Variants in MEGF11 observed in about 807,000 individuals in gnomAD.
The protein encoded by MEGF11 is multiple EGF like domains 11, also known as multiple epidermal growth factor-like domains protein 11.
MEGF11 carries 126 observed loss-of-function variants against 146.6 expected under a neutral mutation model. That is an observed-to-expected ratio of 0.86 (90% CI 0.74 to 1.00). The LOEUF (loss-of-function observed/expected upper bound fraction) is 1.00. Among genes scored for constraint, MEGF11 ranks in the 50% least tolerant of loss-of-function variants. MEGF11 has a pLI of 0.00. For missense variants in MEGF11, 1,509 were observed against 1,521.2 expected (o/e 0.99, Z 0.13); for synonymous variants, 532 against 583.4 (o/e 0.91, Z 1.27).
At chr15:66,148,117 C>T (rs1055115543) in intron 1 of MEGF11, among the ~76,000 whole-genome samples, 5 of 152,032 alleles carry the variant, frequency 3.3e-5, no homozygotes, top group Admixed American at 2.6e-4. Context: ...TGTGTACACG[C>T]GTGCATGTGT....
chr15:65,938,016 A>G (rs756869796), intron 10 of MEGF11, among the ~76,000 whole-genome samples: 15 of 152,206 alleles, frequency 9.9e-5, no homozygotes, highest in South Asian at 2.1e-4. Flanking sequence ...GTCTTAACCC[A>G]AAGGTGTGAG....
intron 5 of MEGF11, among the ~76,000 whole-genome samples, chr15:66,019,271 A>G (rs951534048): frequency 6.6e-6 from 1 of 152,342 alleles, no homozygotes; most frequent in East Asian, 1.9e-4. Context: ...CAATCCTGAC[A>G]TGGCATCCTT....
intron 1 of MEGF11, among the ~76,000 whole-genome samples, chr15:66,235,374 C>A (rs971041223): frequency 1.3e-5 from 2 of 151,858 alleles, no homozygotes; most frequent in African/African-American, 4.8e-5. Flanking sequence ...TGGTGGCATG[C>A]ACCTTTATTC....
chr15:66,245,681 G>A lies in MEGF11; in HGVS notation c.-9+7924C>T, dbSNP rs149191177. Among the ~76,000 whole-genome samples, 36 of 152,196 alleles carry A rather than the reference G, an allele frequency of 2.4e-4. No homozygotes were observed. In the East Asian group the frequency reaches 5.6e-3, roughly 24 times the overall value. ...AGTGTGATATGAAGGGGAAAGAGAT[G>A]AGAGGCTGGAAAATGGCTCCCAGAG... On this transcript the variant is annotated intron_variant, in intron 1 of 25. Transcript: ENST00000395614.
In MEGF11 at chr15:66,080,883, C is replaced by T. The variant is rs532089285; in HGVS notation, c.394+13519G>A. ...AGATGCCGGCAGAAGGCGGCCCAGG[C>T]GGGTCTGCGAAGGGCCGCGGGCTTG... On this transcript the variant is annotated intron_variant, in intron 5 of 25. Transcript: ENST00000395614. Among the ~76,000 whole-genome samples, 12 of 152,310 alleles carry T rather than the reference C, an allele frequency of 7.9e-5. No individual in the cohort carries two copies. In the South Asian group the frequency reaches 1.7e-3, roughly 21 times the overall value.
intron 10 of MEGF11, among the ~76,000 whole-genome samples, chr15:65,931,333 GC>G (rs1051183341): frequency 3.0e-4 from 45 of 152,160 alleles, no homozygotes; most frequent in Admixed American, 6.5e-5. Flanking sequence ...CTCTTTTACA[GC>G]TACCAAGAAA....
At chr15:66,117,043 C>T (rs1567249211) in intron 4 of MEGF11, among the ~76,000 whole-genome samples, 1 of 152,162 alleles carries the variant, frequency 6.6e-6, no homozygotes, top group African/African-American at 2.4e-5. Context: ...CCCCATCTGT[C>T]AAATGAGAGA....
At chr15:66,146,320 C>T (rs1039004094) in intron 1 of MEGF11, among the ~76,000 whole-genome samples, 2 of 152,176 alleles carry the variant, frequency 1.3e-5, no homozygotes, top group African/African-American at 4.8e-5. Context: ...TCCCCTCTCC[C>T]GGCTGCAAGG....
intron 1 of MEGF11, among the ~76,000 whole-genome samples, chr15:66,219,865 T>A (rs1275409019): frequency 6.6e-6 from 1 of 152,212 alleles, no homozygotes; most frequent in African/African-American, 2.4e-5. Context: ...TGTCCTCCAA[T>A]GGGTGAATGG....
chr15:65,899,986 C>G (rs1048936088), intron 24 of MEGF11, among the ~76,000 whole-genome samples: 2 of 152,164 alleles, frequency 1.3e-5, no homozygotes, highest in African/African-American at 4.8e-5. Flanking sequence ...AGGGGATTCC[C>G]TCTTTCAGCC....
At chr15:66,152,365 C>T (rs900918051) in intron 1 of MEGF11, among the ~76,000 whole-genome samples, 7 of 152,080 alleles carry the variant, frequency 4.6e-5, no homozygotes, top group Non-Finnish European at 7.4e-5. Flanking sequence ...GGGCATGGAT[C>T]CCAGACTCCC....
intron 1 of MEGF11, among the ~76,000 whole-genome samples, chr15:66,181,392 A>C (rs1193770958): frequency 6.6e-6 from 1 of 152,162 alleles, no homozygotes; most frequent in Non-Finnish European, 1.5e-5. Context: ...TTCACAGAAC[A>C]GTAAGATTTA....
intron 1 of MEGF11, among the ~76,000 whole-genome samples, chr15:66,198,103 T>G (rs577981111): frequency 6.6e-6 from 1 of 152,348 alleles, no homozygotes; most frequent in Admixed American, 6.5e-5. Flanking sequence ...TTTTTCCAAT[T>G]TTAATCAAAG....
intron 7 of MEGF11, among the ~76,000 whole-genome samples, chr15:65,979,056 G>A (rs567619786): frequency 1.3e-5 from 2 of 152,224 alleles, no homozygotes; most frequent in East Asian, 3.9e-4. Flanking sequence ...GTGGGCACCA[G>A]AGTCCTAACG....
chr15:66,006,724 C>T lies in MEGF11; in HGVS notation c.395-24236G>A, dbSNP rs1018193582. ...AGAGATCCGAATGACATTAAATAAC[C>T]TGTATATAAAAGCCCTTTCTAAAGA... is the stretch of plus-strand genomic sequence containing the variant. On this transcript the variant is annotated intron_variant, in intron 5 of 25. Transcript: ENST00000395614. Among the ~76,000 whole-genome samples the T allele has an allele frequency of 3.9e-5, 6 of 152,206 alleles. 1 individual carries two copies. The highest frequency in any genetic ancestry group is 8.8e-5 in the Non-Finnish European group (6 of 68,036).
At chr15:66,188,066 T>A (rs994098914) in intron 1 of MEGF11, among the ~76,000 whole-genome samples, 1 of 152,164 alleles carries the variant, frequency 6.6e-6, no homozygotes, top group African/African-American at 2.4e-5. Context: ...GACTGTCCTG[T>A]GCACTGTAGG....
chr15:66,021,743 T>C (rs1462701709), intron 5 of MEGF11, among the ~76,000 whole-genome samples: 9 of 152,182 alleles, frequency 5.9e-5, no homozygotes, highest in Admixed American at 5.9e-4. Context: ...AAGACCCAGT[T>C]AGGCTGGTGT....
At chr15:66,124,935 G>C (rs1385405163) in intron 2 of MEGF11, among the ~76,000 whole-genome samples, 1 of 152,376 alleles carries the variant, frequency 6.6e-6, no homozygotes, top group South Asian at 2.1e-4. Flanking sequence ...ATGTAGGCTG[G>C]TATTATTCAG....
At chr15:66,192,374 G>A (rs1354978637) in intron 1 of MEGF11, among the ~76,000 whole-genome samples, 5 of 151,496 alleles carry the variant, frequency 3.3e-5, no homozygotes, top group Non-Finnish European at 7.4e-5. Flanking sequence ...GGAGGCTGAG[G>A]CACGAGACTC....
Sources: gnomAD v4.1 joint callset for allele counts (sites outside exome capture counted in the v4.1 genomes callset) on GRCh38, gnomAD v4.1.1 for gene constraint, MANE v1.5 for transcripts, NCBI Gene and HGNC (gene_info 2026-07-23, HGNC 2026-07-21) for gene names.